The following SLC35F4 variants were observed in gnomAD, a reference collection of about 807,000 sequenced individuals.
SLC35F4 encodes solute carrier family 35 member F4, also known as chromosome 14 open reading frame 36.
SLC35F4 carries 24 observed loss-of-function variants against 44.2 expected under a neutral mutation model. The observed-to-expected ratio is 0.54, with a 90% CI of 0.39 to 0.76. The LOEUF (loss-of-function observed/expected upper bound fraction) is 0.76, where lower values mean the gene tolerates loss of function less well. Among genes scored for constraint, SLC35F4 ranks in the 30% least tolerant of loss-of-function variants. SLC35F4 has a pLI of 0.00. For missense variants in SLC35F4, 562 were observed against 586.1 expected, an observed-to-expected ratio of 0.96 and a Z score of 0.42; for synonymous variants, 238 against 223.6, an observed-to-expected ratio of 1.06 and a Z score of -0.57.
intron 1 of SLC35F4, among the ~76,000 whole-genome samples, chr14:57,730,240 A>T (rs996190107): frequency 4.6e-5 from 7 of 152,032 alleles, no homozygotes; most frequent in African/African-American, 1.7e-4. Flanking sequence ...ATAGTTGTTA[A>T]AATTTGGTGT....
intron 1 of SLC35F4, among the ~76,000 whole-genome samples, chr14:57,744,131 G>A (rs1432515819): frequency 6.6e-6 from 1 of 152,128 alleles, no homozygotes; most frequent in Non-Finnish European, 1.5e-5. Flanking sequence ...TACTGAATGG[G>A]CAAACACTGG....
intron 1 of SLC35F4, among the ~76,000 whole-genome samples, chr14:57,620,281 A>T (rs1029822537): frequency 1.3e-5 from 2 of 152,228 alleles, no homozygotes; most frequent in Non-Finnish European, 2.9e-5. Flanking sequence ...TGTTAAGGGC[A>T]GCCAGAGAGA....
At chr14:57,651,730 G>A (rs1244338319) in intron 1 of SLC35F4, among the ~76,000 whole-genome samples, 1 of 152,146 alleles carries the variant, frequency 6.6e-6, no homozygotes, top group Non-Finnish European at 1.5e-5. Context: ...GTGTGTGTGT[G>A]AGCTGAGAGC....
intron 1 of SLC35F4, among the ~76,000 whole-genome samples, chr14:57,903,502 G>A (rs1007848999): frequency 5.9e-5 from 9 of 152,208 alleles, no homozygotes; most frequent in African/African-American, 1.7e-4. Context: ...CCTAATTACA[G>A]TTTGATCAAG....
chr14:57,737,522 T>G (rs549449943), intron 1 of SLC35F4, among the ~76,000 whole-genome samples: 4 of 152,196 alleles, frequency 2.6e-5, no homozygotes, highest in Non-Finnish European at 5.9e-5. Flanking sequence ...AAGGAGTTAA[T>G]AGCAAGGCTG....
intron 1 of SLC35F4, among the ~76,000 whole-genome samples, chr14:57,944,694 GAAAA>G (rs1191969654): frequency 3.0e-4 from 18 of 59,024 alleles, no homozygotes; most frequent in African/African-American, 9.4e-4. Context: ...AAGAAAGAAA[GAAAA>G]GAAAGAAAGA....
intron 1 of SLC35F4, among the ~76,000 whole-genome samples, chr14:57,931,988 T>C (rs1889706328): frequency 6.6e-6 from 1 of 152,244 alleles, no homozygotes. Context: ...TCTACTTATT[T>C]ACTCTTGACA....
At chr14:57,792,961 T>C (rs1169886764) in intron 1 of SLC35F4, among the ~76,000 whole-genome samples, 1 of 152,090 alleles carries the variant, frequency 6.6e-6, no homozygotes, top group Non-Finnish European at 1.5e-5. Flanking sequence ...TAAGTGTATT[T>C]TATTAAAATG....
rs553063637 is a variant in SLC35F4 at position 57,654,290 on chromosome 14, T to C, written c.104-60166A>G. 5.9e-5 allele frequency among the ~76,000 whole-genome samples: 9 copies of C among 152,314 alleles called. No individual in the cohort carries two copies. The East Asian group carries it at 1.7e-3, about 29-fold the overall frequency. ...TACATAATCCATTGTATCATTCTTA[T>C]GCCTTTGCGTCCTCATAGCTTAGCT... On this transcript the variant is annotated intron_variant, in intron 1 of 7. Transcript: ENST00000556826.
intron 1 of SLC35F4, among the ~76,000 whole-genome samples, chr14:57,927,578 C>T (rs1365825699): frequency 1.3e-5 from 2 of 151,356 alleles, no homozygotes; most frequent in African/African-American, 2.4e-5. Flanking sequence ...GCAACCTCTA[C>T]ATCCAGGGTT....
intron 1 of SLC35F4, among the ~76,000 whole-genome samples, chr14:57,932,965 GAA>G (rs1337116281): frequency 2.6e-5 from 4 of 151,794 alleles, no homozygotes; most frequent in Non-Finnish European, 4.4e-5. Flanking sequence ...ACTACCATGG[GAA>G]AATATCATTC....
At chr14:57,825,573 A>T (rs1199354463) in intron 1 of SLC35F4, among the ~76,000 whole-genome samples, 1 of 152,194 alleles carries the variant, frequency 6.6e-6, no homozygotes, top group African/African-American at 2.4e-5. Context: ...CAGTAACAAG[A>T]AAGTAACTAC....
At chr14:57,913,243 G>A (rs959929624) in intron 1 of SLC35F4, among the ~76,000 whole-genome samples, 1 of 151,918 alleles carries the variant, frequency 6.6e-6, no homozygotes, top group Non-Finnish European at 1.5e-5. Flanking sequence ...TTTAGTTGGT[G>A]TACTTAGATC....
chr14:57,935,186 G>A (rs1219316390), intron 1 of SLC35F4, among the ~76,000 whole-genome samples: 2 of 152,188 alleles, frequency 1.3e-5, no homozygotes, highest in Non-Finnish European at 2.9e-5. Context: ...CCCTCTTGGA[G>A]TCAAATGTAA....
At chr14:57,883,026 G>T (rs10133467) in intron 1 of SLC35F4, among the ~76,000 whole-genome samples, 62,557 of 145,552 alleles carry the variant, frequency 0.43, 15,022 homozygotes, top group East Asian at 0.71. Flanking sequence ...AGGAGAGGAG[G>T]GGAGGGGAGA....
intron 1 of SLC35F4, among the ~76,000 whole-genome samples, chr14:57,931,471 G>A (rs1046856011): frequency 6.6e-6 from 1 of 152,158 alleles, no homozygotes; most frequent in African/African-American, 2.4e-5. Flanking sequence ...TCTCTAAAAT[G>A]CATGTGCAGA....
At chr14:57,634,849 G>T (rs1371288937) in intron 1 of SLC35F4, among the ~76,000 whole-genome samples, 5 of 152,112 alleles carry the variant, frequency 3.3e-5, no homozygotes, top group South Asian at 2.1e-4. Flanking sequence ...TGGAGATGAA[G>T]ACAAGTAGCT....
intron 1 of SLC35F4, among the ~76,000 whole-genome samples, chr14:57,606,056 C>A (rs1404902087): frequency 1.4e-4 from 21 of 152,180 alleles, no homozygotes; most frequent in Admixed American, 1.4e-3. Context: ...CTTCAAACCT[C>A]AGCATCGTGC....
intron 1 of SLC35F4, among the ~76,000 whole-genome samples, chr14:57,647,881 G>A (rs182006478): frequency 7.7e-4 from 117 of 152,154 alleles, no homozygotes; most frequent in Non-Finnish European, 1.5e-3. Flanking sequence ...CTGTTAGTTC[G>A]GTTAGCCAGA....
Sources: allele counts gnomAD v4.1 joint callset (sites outside exome capture counted in the v4.1 genomes callset), GRCh38; gene constraint gnomAD v4.1.1; transcripts MANE v1.5; gene names NCBI Gene and HGNC (gene_info 2026-07-23, HGNC 2026-07-21).